Variants in RGS20 observed in about 807,000 individuals in gnomAD.
RGS20 encodes the protein gz-selective GTPase-activating protein.
RGS20 carries 30 observed loss-of-function variants against 33.6 expected under a neutral mutation model. The ratio of observed to expected loss-of-function variants is 0.89; its 90% CI spans 0.67 to 1.21. The LOEUF (loss-of-function observed/expected upper bound fraction) is 1.21. Among genes scored for constraint, RGS20 ranks in the 50% most tolerant of loss-of-function variants. The pLI is 0.00. For missense variants in RGS20, 472 were observed against 502.4 expected, an observed-to-expected ratio of 0.94 and a Z score of 0.58; for synonymous variants, 208 against 197.9, an observed-to-expected ratio of 1.05 and a Z score of -0.43.
intron 2 of RGS20, among the ~76,000 whole-genome samples, chr8:53,900,606 G>A (rs1812988279): frequency 6.6e-6 from 1 of 152,152 alleles, no homozygotes; most frequent in African/African-American, 2.4e-5. Context: ...AGTTTTCAGA[G>A]ACCTTTCACA....
intron 2 of RGS20, among the ~76,000 whole-genome samples, chr8:53,933,404 G>A (rs1814031923): frequency 6.6e-6 from 1 of 152,130 alleles, no homozygotes; most frequent in Non-Finnish European, 1.5e-5. Context: ...CCATTTTAGA[G>A]AAGAATATAA....
intron 2 of RGS20, among the ~76,000 whole-genome samples, chr8:53,928,815 C>T (rs1041723908): frequency 4.6e-5 from 7 of 150,894 alleles, no homozygotes; most frequent in African/African-American, 1.5e-4. Flanking sequence ...AAGAGTAAAA[C>T]TCCGTCTCAA....
intron 2 of RGS20, among the ~76,000 whole-genome samples, chr8:53,886,037 T>C (rs1017476619): frequency 8.5e-5 from 13 of 152,190 alleles, no homozygotes; most frequent in African/African-American, 2.9e-4. Flanking sequence ...ATATTTCAGA[T>C]TGGTTTTCAG....
intron 1 of RGS20, among the ~76,000 whole-genome samples, chr8:53,858,758 G>A (rs184784047): frequency 3.9e-5 from 6 of 152,124 alleles, no homozygotes; most frequent in Non-Finnish European, 7.4e-5. Flanking sequence ...AAGGGTCTCC[G>A]GTGATCAGCT....
At position 53,958,440 on chromosome 8, in the gene RGS20, G is replaced by A; in HGVS notation, c.1149G>A (p.Glu383=). ...AGGACTTGCTTCAGTCCTTATCGGAGAAATCTATTGAAGCATAGGATTTTT... is the reference window on the plus strand; with the variant it reads ...AGGACTTGCTTCAGTCCTTATCGGAAAAATCTATTGAAGCATAGGATTTTT... Residue 383 remains glutamate, a synonymous_variant, in exon 6 of 6, where the codon GAG becomes GAA. Transcript: ENST00000297313. 4 of 1,519,440 alleles carry A rather than the reference G, an allele frequency of 2.6e-6. No individual in the cohort carries two copies. Among genetic ancestry groups the A allele is most frequent in the Non-Finnish European group, 2.6e-6 (3 of 1,132,482 alleles). The allele number at this position is 1,519,440 out of a possible 1,614,324, so 94.1% of individuals were successfully genotyped here. A position where few individuals can be genotyped will look rare whatever the true frequency, so the allele number is the denominator to read the frequency against.
intron 2 of RGS20, among the ~76,000 whole-genome samples, chr8:53,891,889 A>T (rs985623507): frequency 2.0e-5 from 3 of 150,446 alleles, no homozygotes; most frequent in Non-Finnish European, 3.0e-5. Flanking sequence ...ATTTTTTTTT[A>T]AATTATTATT....
At chr8:53,919,284 A>G (rs935301204) in intron 2 of RGS20, among the ~76,000 whole-genome samples, 2 of 151,542 alleles carry the variant, frequency 1.3e-5, no homozygotes, top group African/African-American at 4.8e-5. Flanking sequence ...TCCTGGATAC[A>G]AGTCTCTTAC....
chr8:53,881,007 G>T, intron 2 of RGS20: 2 of 1,595,272 alleles, frequency 1.3e-6, no homozygotes, highest in East Asian at 2.2e-5. Context: ...GAAGGCACCC[G>T]CGGGACGCAT....
At chr8:53,870,585 T>C (rs1239623706) in intron 1 of RGS20, among the ~76,000 whole-genome samples, 1 of 152,232 alleles carries the variant, frequency 6.6e-6, no homozygotes, top group Non-Finnish European at 1.5e-5. Context: ...CAGCCTCATT[T>C]GAAATTTCCC....
At chr8:53,865,131 G>T (rs921528319) in intron 1 of RGS20, among the ~76,000 whole-genome samples, 2 of 152,132 alleles carry the variant, frequency 1.3e-5, no homozygotes, top group Admixed American at 6.5e-5. Context: ...AGCCTTCCTG[G>T]GCCTGTCACA....
chr8:53,864,715 C>G (rs1811883713), intron 1 of RGS20, among the ~76,000 whole-genome samples: 1 of 152,180 alleles, frequency 6.6e-6, no homozygotes, highest in East Asian at 1.9e-4. Flanking sequence ...TTTTTTCCAC[C>G]ATGTGGATGA....
At chr8:53,911,779 A>G (rs1281341086) in intron 2 of RGS20, among the ~76,000 whole-genome samples, 2 of 152,032 alleles carry the variant, frequency 1.3e-5, no homozygotes, top group African/African-American at 4.8e-5. Flanking sequence ...TCTCTACTAA[A>G]AATACAAAAA....
At chr8:53,922,587 C>T (rs925202194) in intron 2 of RGS20, among the ~76,000 whole-genome samples, 5 of 152,082 alleles carry the variant, frequency 3.3e-5, no homozygotes, top group African/African-American at 1.2e-4. Context: ...CTTTTCCTCC[C>T]TTATTAACTT....
chr8:53,867,592 A>G (rs1342748946), intron 1 of RGS20, among the ~76,000 whole-genome samples: 3 of 152,092 alleles, frequency 2.0e-5, no homozygotes, highest in Non-Finnish European at 4.4e-5. Flanking sequence ...TGTCATTTCT[A>G]ATGCCCTGTT....
intron 1 of RGS20, among the ~76,000 whole-genome samples, chr8:53,861,708 T>C (rs1811812733): frequency 6.6e-6 from 1 of 152,246 alleles, no homozygotes; most frequent in Admixed American, 6.5e-5. Flanking sequence ...CAGGAGGACA[T>C]GCAATTAATT....
intron 2 of RGS20, among the ~76,000 whole-genome samples, chr8:53,933,243 A>C (rs1200954316): frequency 6.6e-6 from 1 of 152,168 alleles, no homozygotes; most frequent in African/African-American, 2.4e-5. Flanking sequence ...AAGGGAACAA[A>C]ACTGGACAGA....
intron 4 of RGS20, among the ~76,000 whole-genome samples, chr8:53,947,027 T>A (rs1294808502): frequency 1.3e-5 from 2 of 148,374 alleles, no homozygotes; most frequent in Non-Finnish European, 3.0e-5. Flanking sequence ...TTTATTTTTA[T>A]ATAATATACT....
At chr8:53,881,595 A>G (rs1563358334) in intron 2 of RGS20, among the ~76,000 whole-genome samples, 1 of 151,920 alleles carries the variant, frequency 6.6e-6, no homozygotes, top group African/African-American at 2.4e-5. Context: ...GCCTCCTTTT[A>G]GGAGAAGTGC....
intron 3 of RGS20, among the ~76,000 whole-genome samples, chr8:53,943,606 A>C (rs1426499720): frequency 1.3e-5 from 2 of 152,210 alleles, no homozygotes; most frequent in Non-Finnish European, 2.9e-5. Flanking sequence ...AACTTCACAA[A>C]AAAAAATTCT....
Sources: gnomAD v4.1 joint callset for allele counts (sites outside exome capture counted in the v4.1 genomes callset) on GRCh38, gnomAD v4.1.1 for gene constraint, MANE v1.5 for transcripts, NCBI Gene and HGNC (gene_info 2026-07-23, HGNC 2026-07-21) for gene names.